The following CR2 variants were observed in gnomAD, a reference collection of about 807,000 sequenced individuals.
The protein encoded by CR2 is complement receptor type 2.
A neutral mutation model predicts 123.0 loss-of-function variants in CR2; 96 were observed. The ratio of observed to expected loss-of-function variants is 0.78; its 90% confidence interval spans 0.66 to 0.93. The LOEUF is 0.93. Ranked by LOEUF, CR2 falls within the 40% of genes least tolerant of loss-of-function variation. CR2 has a pLI of 0.00. For synonymous variants in CR2, 484 were observed against 469.5 expected (o/e 1.03, Z -0.40); for missense variants, 1,258 against 1,361.0 (o/e 0.92, Z 1.19).
rs1011161982 is a variant in CR2 at position 207,465,026 on chromosome 1, G to A, written c.59-1500G>A. Reference sequence around the variant, plus strand: ...GCTCACTGCAACCTCCACCTCCTGGGTTCAAGCGATTCTCCTGTCTCAGCC... The same window carrying A: ...GCTCACTGCAACCTCCACCTCCTGGATTCAAGCGATTCTCCTGTCTCAGCC... On this transcript the variant is annotated intron_variant, in intron 1 of 19. Coordinates refer to ENST00000367057, the MANE Select transcript of CR2 (RefSeq NM_001006658.3). 3.3e-5 allele frequency among the ~76,000 whole-genome samples: 5 copies of A among 152,120 alleles called. No homozygotes were observed. In the East Asian group the frequency reaches 5.8e-4, roughly 18 times the overall value.
At chr1:207,470,713 A>G (rs773313660) in intron 6 of CR2, 27 bp from the exon 7 acceptor site, 13 of 1,605,932 alleles carry the variant, frequency 8.1e-6, no homozygotes, top group Middle Eastern at 1.7e-4. Flanking sequence ...TTAAGCAGTT[A>G]TGTTTTGTTT....
chr1:207,476,249 C>T lies in CR2; in HGVS notation c.2732C>T (p.Pro911Leu). 1 of 1,613,616 alleles carries T rather than the reference C, an allele frequency of 6.2e-7. No homozygotes were observed. The highest frequency in any genetic ancestry group is 8.5e-7 in the Non-Finnish European group (1 of 1,179,772). ...GGTGTCTAAGCCTTCATAGGGTGTC[C>T]ACCTCCGCCTAAGACCCCTAACGGG... Reference protein sequence around the residue: ...TCIKKAFIGCPPPPKTPNGNH... With the variant: ...TCIKKAFIGCLPPPKTPNGNH... Residue 911 changes from proline (P) to leucine (L), a missense_variant, in exon 15 of 20, where the codon CCA (proline) becomes CTA (leucine). Transcript: ENST00000367057.
chr1:207,481,663 C>T (rs1386373978), intron 18 of CR2, among the ~76,000 whole-genome samples: 1 of 152,054 alleles, frequency 6.6e-6, no homozygotes, highest in African/African-American at 2.4e-5. Context: ...CTATTTCCTT[C>T]CAGAAATACC....
intron 1 of CR2, among the ~76,000 whole-genome samples, chr1:207,455,932 A>G (rs888639184): frequency 6.6e-6 from 1 of 152,206 alleles, no homozygotes. Context: ...TTTTTGTACC[A>G]GTATTCCCAT....
In CR2 at chr1:207,474,987, A is replaced by G; in HGVS notation, c.2487A>G (p.Gly829=). The G allele has an allele frequency of 6.2e-7, 1 of 1,614,132 alleles. No individual in the cohort carries two copies. The highest frequency in any genetic ancestry group is 8.5e-7 in the Non-Finnish European group (1 of 1,179,992). The change falls in exon 14 of 20, where the codon GGA becomes GGG. Residue 829 remains glycine, a synonymous_variant. Transcript: ENST00000367057. ...LQCRSDSKGH[G]SWSGPSPQCL... is the part of the protein sequence containing the mutation. The stretch of plus-strand genomic sequence containing the variant: ...GCAGAAGTGATTCTAAAGGACATGG[A>G]TCTTGGAGCGGGCCTTCCCCACAGT...
At position 207,454,779 on chromosome 1, in the gene CR2, C is replaced by G; in HGVS notation, c.58+303C>G. 1 of 380,214 alleles carries G rather than the reference C, an allele frequency of 2.6e-6. No homozygotes were observed. The highest frequency in any genetic ancestry group is 4.8e-6 in the Non-Finnish European group (1 of 210,270). 23.6% of individuals were successfully genotyped at this position (380,214 alleles called of 1,614,324 possible). Reference sequence around the variant, plus strand: ...CGGTCTCCTGCCGGGCTCCCCGCCCCCAGGATTCTGCAGGTGCTCATCGCT... The same window carrying G: ...CGGTCTCCTGCCGGGCTCCCCGCCCGCAGGATTCTGCAGGTGCTCATCGCT... On this transcript the variant is annotated intron_variant, in intron 1 of 19. Transcript: ENST00000367057. The surrounding 1 kb of genome is among the most constrained non-coding windows in gnomAD (Gnocchi z 4.3).
At chr1:207,487,607 C>A (rs1261603242) in intron 19 of CR2, among the ~76,000 whole-genome samples, 1 of 152,066 alleles carries the variant, frequency 6.6e-6, no homozygotes, top group South Asian at 2.1e-4. Flanking sequence ...AAGTAAAGTG[C>A]TAGTAAGAGT....
intron 18 of CR2, among the ~76,000 whole-genome samples, chr1:207,481,456 C>T (rs1486061436): frequency 6.6e-6 from 1 of 152,036 alleles, no homozygotes. Context: ...GTAGCTTTTT[C>T]CGAGATGTGT....
At chr1:207,455,144 CT>C (rs1242004302) in intron 1 of CR2, among the ~76,000 whole-genome samples, 1 of 152,194 alleles carries the variant, frequency 6.6e-6, no homozygotes, top group Non-Finnish European at 1.5e-5. Context: ...TTTATTATAT[CT>C]TTTTTTCCTC....
At chr1:207,465,451 T>G (rs1315263642) in intron 1 of CR2, among the ~76,000 whole-genome samples, 1 of 152,196 alleles carries the variant, frequency 6.6e-6, no homozygotes, top group African/African-American at 2.4e-5. Flanking sequence ...ATAGGTGTGC[T>G]TTGAACATAT....
intron 17 of CR2, among the ~76,000 whole-genome samples, 156 bp from the exon 18 acceptor site, chr1:207,479,822 C>T (rs754104863): frequency 7.9e-5 from 12 of 152,126 alleles, no homozygotes; most frequent in Non-Finnish European, 1.5e-4. Flanking sequence ...TTAAGCTCAA[C>T]TATGATTATT....
At chr1:207,467,990 A>T (rs77787441) in intron 2 of CR2, among the ~76,000 whole-genome samples, 3,203 of 152,284 alleles carry the variant, frequency 0.021, 130 homozygotes, top group African/African-American at 0.073. Flanking sequence ...AAGCTTAAGG[A>T]TAGGGTGAGA....
At chr1:207,467,113 G>A (rs1265751592) in intron 2 of CR2, among the ~76,000 whole-genome samples, 1 of 152,168 alleles carries the variant, frequency 6.6e-6, no homozygotes, top group Admixed American at 6.5e-5. Context: ...TTGAGCAAAG[G>A]AGTTTAAAGT....
chr1:207,474,564 C>G (rs141075584), intron 13 of CR2, among the ~76,000 whole-genome samples: 3 of 152,236 alleles, frequency 2.0e-5, no homozygotes, highest in African/African-American at 7.2e-5. Context: ...GCCCATATTC[C>G]TAGGTCATGG....
At position 207,472,902 on chromosome 1, in the gene CR2, C is replaced by T. The variant is rs1189652896; in HGVS notation, c.1701C>T (p.Ser567=). The change falls in exon 10 of 20, where the codon AGC becomes AGT. Residue 567 remains serine (S), a synonymous_variant. Coordinates refer to ENST00000367057, the MANE Select transcript of CR2 (RefSeq NM_001006658.3). ...NPGPERGVEF[S]LIGESTIRCT... is the part of the protein sequence containing the mutation. Reference sequence around the variant, plus strand: ...GGCCAGAAAGAGGAGTGGAATTCAGCCTCATTGGAGAGAGCACCATCCGTT... The same window carrying T: ...GGCCAGAAAGAGGAGTGGAATTCAGTCTCATTGGAGAGAGCACCATCCGTT... 6.2e-7 allele frequency: 1 copy of T among 1,614,042 alleles called. No individual in the cohort carries two copies.
chr1:207,471,671 T>G (rs534309715), intron 9 of CR2, among the ~76,000 whole-genome samples, 172 bp downstream of exon 9: 1 of 152,354 alleles, frequency 6.6e-6, no homozygotes, highest in South Asian at 2.1e-4. Context: ...GCTACCTTTT[T>G]CTTCATCAAT....
At chr1:207,471,277 C>A in intron 8 of CR2, 146 bp from the exon 9 acceptor site, 2 of 884,150 alleles carry the variant, frequency 2.3e-6, no homozygotes, top group Middle Eastern at 2.2e-4. Flanking sequence ...TATGCCTGTG[C>A]AATGAGAAGT....
intron 2 of CR2, among the ~76,000 whole-genome samples, chr1:207,467,621 G>T (rs1658138238): frequency 6.6e-6 from 1 of 152,104 alleles, no homozygotes; most frequent in Non-Finnish European, 1.5e-5. Flanking sequence ...ATTTTAAGCA[G>T]ATTAAAGAGC....
In CR2 at chr1:207,470,732, T is replaced by G. The variant is rs538276366; in HGVS notation, c.1226-8T>G. On this transcript the variant is annotated splice_region_variant and splice_polypyrimidine_tract_variant and intron_variant, in intron 6 of 19. Coordinates refer to ENST00000367057, the MANE Select transcript of CR2 (RefSeq NM_001006658.3). Reference sequence around the variant, plus strand: ...GCAGTTATGTTTTGTTTTTGTCCTTTCATTTAGAATGCCAGGCCCCTCCTA... The same window carrying G: ...GCAGTTATGTTTTGTTTTTGTCCTTGCATTTAGAATGCCAGGCCCCTCCTA... The G allele has an allele frequency of 2.5e-6, 4 of 1,613,634 alleles. No homozygotes were observed. The East Asian group carries it at 8.9e-5, about 36-fold the overall frequency.
Sources: gnomAD v4.1 joint callset for allele counts (sites outside exome capture counted in the v4.1 genomes callset) on GRCh38, gnomAD v4.1.1 for gene constraint, Gnocchi (gnomAD v3.1) non-coding constraint, MANE v1.5 for transcripts, NCBI Gene and HGNC (gene_info 2026-07-23, HGNC 2026-07-21) for gene names.